Variants in RMDN2 observed in about 807,000 individuals in gnomAD.
RMDN2 encodes the protein regulator of microtubule dynamics 2, also known as regulator of microtubule dynamics protein 2.
Under a neutral mutation model 52.8 loss-of-function variants are expected in RMDN2, and 61 were observed. The ratio of observed to expected loss-of-function variants is 1.16; its 90% CI spans 0.94 to 1.43. The LOEUF (loss-of-function observed/expected upper bound fraction) is 1.43. Ranked by LOEUF, RMDN2 falls within the 40% of genes most tolerant of loss-of-function variation. RMDN2 has a pLI of 0.00. For synonymous variants in RMDN2, 180 were observed against 153.1 expected (o/e 1.18, Z -1.30); for missense variants, 592 against 475.3 (o/e 1.25, Z -2.28).
chr2:37,963,413 G>A lies in RMDN2; in HGVS notation c.453-10627G>A, dbSNP rs193170058. On this transcript the variant is annotated intron_variant, in intron 2 of 10. Coordinates refer to ENST00000354545, the MANE Select transcript of RMDN2 (RefSeq NM_001170791.3). Reference sequence around the variant, plus strand: ...GACAATAGTGGAGGGAAGGTCAGCAGATAAACAAGTGAACAAAGGTCTCTG... The same window carrying A: ...GACAATAGTGGAGGGAAGGTCAGCAAATAAACAAGTGAACAAAGGTCTCTG... Among the ~76,000 whole-genome samples, 885 of 140,680 alleles carry A rather than the reference G, an allele frequency of 6.3e-3. 9 individuals carry two copies. The highest frequency in any genetic ancestry group is 0.022 in the African/African-American group (827 of 37,954). The allele number at this position is 140,680 out of a possible 152,430, so 92.3% of individuals were successfully genotyped here.
intron 10 of RMDN2, among the ~76,000 whole-genome samples, chr2:38,008,848 G>A (rs1038060105): frequency 6.6e-6 from 1 of 152,190 alleles, no homozygotes; most frequent in East Asian, 1.9e-4. Flanking sequence ...GGTACCGGTT[G>A]TTCCTTTCCA....
At chr2:38,059,394 T>C (rs966947042) in intron 10 of RMDN2, among the ~76,000 whole-genome samples, 1 of 152,310 alleles carries the variant, frequency 6.6e-6, no homozygotes, top group Non-Finnish European at 1.5e-5. Context: ...GGTTGGATAT[T>C]GTGTAGAAAA....
chr2:37,959,299 G>A (rs946222414), intron 2 of RMDN2, among the ~76,000 whole-genome samples: 3 of 150,846 alleles, frequency 2.0e-5, no homozygotes, highest in African/African-American at 5.0e-5. Flanking sequence ...TTTATGGTTG[G>A]TAGGCTATTA....
chr2:38,067,022 G>A (rs771531597), exon 11 of RMDN2: 5 of 1,612,132 alleles, frequency 3.1e-6, no homozygotes, highest in Non-Finnish European at 4.2e-6. Context: ...GGTACCGCAA[G>A]CCCTGTCATC....
intron 2 of RMDN2, among the ~76,000 whole-genome samples, chr2:37,950,850 T>C (rs1286364212): frequency 2.0e-5 from 3 of 152,132 alleles, no homozygotes; most frequent in East Asian, 3.9e-4. Flanking sequence ...CCAACAGATA[T>C]TGTGGTTTAT....
intron 6 of RMDN2, 68 bp downstream of exon 6, chr2:37,989,684 A>G (rs1674503195): frequency 1.8e-6 from 2 of 1,082,424 alleles, no homozygotes; most frequent in Non-Finnish European, 2.7e-6. Flanking sequence ...TATTAATAAT[A>G]AAAATGTTTT....
intron 2 of RMDN2, chr2:37,950,308 G>A: frequency 1.5e-6 from 1 of 670,334 alleles, no homozygotes; most frequent in Non-Finnish European, 2.5e-6. Flanking sequence ...TTTGTTGGAT[G>A]ACTCCTCCAA....
chr2:37,941,768 T>A (rs1474973156), intron 2 of RMDN2, among the ~76,000 whole-genome samples: 1 of 152,130 alleles, frequency 6.6e-6, no homozygotes, highest in Non-Finnish European at 1.5e-5. Context: ...CATCCCAGGT[T>A]GACTTCAGAC....
At chr2:37,992,511 A>T (rs1674943663) in intron 7 of RMDN2, among the ~76,000 whole-genome samples, 1 of 152,244 alleles carries the variant, frequency 6.6e-6, no homozygotes, top group African/African-American at 2.4e-5. Context: ...ACCTTCCAAC[A>T]ACTCACATGT....
At chr2:37,952,029 A>T in intron 2 of RMDN2, 1 of 1,613,466 alleles carries the variant, frequency 6.2e-7, no homozygotes, top group East Asian at 2.2e-5. Flanking sequence ...TCCCTCTCAA[A>T]GTGGAACTTT....
At chr2:38,065,415 C>T (rs939873710) in intron 10 of RMDN2, among the ~76,000 whole-genome samples, 5 of 151,826 alleles carry the variant, frequency 3.3e-5, no homozygotes, top group South Asian at 2.1e-4. Context: ...GCTGATTTTT[C>T]GGGCTTGCTC....
At chr2:38,014,590 T>C (rs1262365514) in intron 10 of RMDN2, among the ~76,000 whole-genome samples, 1 of 152,244 alleles carries the variant, frequency 6.6e-6, no homozygotes, top group Admixed American at 6.5e-5. Flanking sequence ...AGGAGAATAA[T>C]GACAGTTTAA....
chr2:38,018,200 G>A (rs139944895), downstream of RMDN2, among the ~76,000 whole-genome samples: 1,058 of 152,282 alleles, frequency 6.9e-3, 7 homozygotes, highest in African/African-American at 0.024. Context: ...CCTGACACTA[G>A]CAAGGATTTT....
chr2:37,975,050 G>A (rs1450119566), intron 3 of RMDN2, 162 bp from the exon 4 acceptor site: 1 of 619,660 alleles, frequency 1.6e-6, no homozygotes, highest in African/African-American at 1.9e-5. Context: ...ATGAGTATTT[G>A]GATTAAAAAT....
At chr2:38,015,132 C>A (rs745743214) in intron 10 of RMDN2, among the ~76,000 whole-genome samples, 5 of 152,206 alleles carry the variant, frequency 3.3e-5, no homozygotes, top group African/African-American at 1.2e-4. Flanking sequence ...AATGTGGTAA[C>A]CCCAACCCCA....
intron 2 of RMDN2, among the ~76,000 whole-genome samples, chr2:37,971,741 AATT>A (rs1453684554): frequency 1.3e-5 from 2 of 152,086 alleles, no homozygotes; most frequent in Non-Finnish European, 2.9e-5. Context: ...CACTGTCTTT[AATT>A]ATTATAGCTT....
intron 2 of RMDN2, among the ~76,000 whole-genome samples, chr2:37,942,018 T>C (rs1259675934): frequency 2.6e-5 from 4 of 151,798 alleles, no homozygotes; most frequent in African/African-American, 9.7e-5. Context: ...CTTGAAACCC[T>C]GGGCCCTTGT....
intron 2 of RMDN2, chr2:37,953,094 A>G (rs756284843): frequency 3.3e-5 from 5 of 151,954 alleles, no homozygotes; most frequent in Non-Finnish European, 5.9e-5. Flanking sequence ...AATTTATTTC[A>G]TGGGGCTAAG....
intron 10 of RMDN2, among the ~76,000 whole-genome samples, chr2:38,033,686 G>A (rs544419793): frequency 6.6e-6 from 1 of 152,280 alleles, no homozygotes; most frequent in East Asian, 1.9e-4. Flanking sequence ...TTTTAAAGTT[G>A]AATTGAATTT....
Sources: gnomAD v4.1 joint callset for allele counts (sites outside exome capture counted in the v4.1 genomes callset) on GRCh38, gnomAD v4.1.1 for gene constraint, MANE v1.5 for transcripts, NCBI Gene and HGNC (gene_info 2026-07-23, HGNC 2026-07-21) for gene names.